The following VWCE variants were observed in gnomAD, a reference collection of about 807,000 sequenced individuals.
VWCE encodes the protein von Willebrand factor C and EGF domain-containing protein.
In VWCE, 68 loss-of-function variants were observed where a neutral mutation model predicts 102.9. The observed-to-expected ratio is 0.66, with a 90% confidence interval of 0.54 to 0.81. The LOEUF is 0.81. VWCE is among the 30% of genes least tolerant of loss of function. VWCE has a pLI of 0.00. For synonymous variants in VWCE, 497 were observed against 515.4 expected (o/e 0.96, Z 0.48); for missense variants, 1,137 against 1,263.6 (o/e 0.90, Z 1.52).
At chr11:61,266,557 A>AC (rs1555025783) in intron 16 of VWCE, among the ~76,000 whole-genome samples, 1 of 152,074 alleles carries the variant, frequency 6.6e-6, no homozygotes, top group Non-Finnish European at 1.5e-5. Context: ...CAAAAAAAAA[A>AC]CAATTTTTTT....
Position 61,265,336 on chromosome 11 carries a change from T to C in VWCE, c.1966-124A>G, listed in dbSNP as rs891269516. 6.8e-6 allele frequency: 6 copies of C among 884,618 alleles called. No individual in the cohort carries two copies. The African/African-American group carries it at 1.0e-4, about 15-fold the overall frequency. The allele number at this position is 884,618 out of a possible 1,614,324, so 54.8% of individuals were successfully genotyped here. On this transcript the variant is annotated intron_variant, in intron 16 of 19. Coordinates refer to ENST00000335613, the MANE Select transcript of VWCE (RefSeq NM_152718.2). The stretch of plus-strand genomic sequence containing the variant: ...CAATCAACATTGTGGGAGGAGTCCA[T>C]GGTGGGGCAGTGGGGCAGGGGGCGC...
intron 5 of VWCE, 50 bp from the exon 6 acceptor site, chr11:61,282,955 G>A: frequency 6.8e-7 from 1 of 1,473,068 alleles, no homozygotes; most frequent in South Asian, 1.1e-5. Flanking sequence ...ACAGAACCTT[G>A]GAAATATATG....
At chr11:61,260,913 A>C (rs541483440) in intron 19 of VWCE, among the ~76,000 whole-genome samples, 3 of 152,136 alleles carry the variant, frequency 2.0e-5, no homozygotes, top group Non-Finnish European at 4.4e-5. Flanking sequence ...GAAAATGAAG[A>C]GTGAAGAAGC....
chr11:61,271,421 A>C, intron 14 of VWCE: 1 of 372,810 alleles, frequency 2.7e-6, no homozygotes, highest in Non-Finnish European at 5.2e-6. Flanking sequence ...CTGGGATTAC[A>C]GGCGTGAGCC....
intron 5 of VWCE, 54 bp downstream of exon 5, chr11:61,286,260 A>T: frequency 6.5e-7 from 1 of 1,535,500 alleles, no homozygotes; most frequent in East Asian, 2.2e-5. Flanking sequence ...TGAGTGTTCA[A>T]TGTGGCATCC....
intron 14 of VWCE, chr11:61,271,199 G>GC (rs1438564348): frequency 1.3e-5 from 2 of 157,750 alleles, no homozygotes; most frequent in African/African-American, 2.4e-5. Flanking sequence ...AGGCTGGGGT[G>GC]CAGTGGCGTG....
intron 4 of VWCE, 74 bp downstream of exon 4, chr11:61,290,725 T>C: frequency 6.6e-7 from 1 of 1,525,614 alleles, no homozygotes; most frequent in African/African-American, 1.4e-5. Context: ...CTGGAGACCA[T>C]CCTGGCAGGA....
chr11:61,294,845 C>T lies in VWCE; in HGVS notation c.110+83G>A, dbSNP rs377183791. Reference sequence around the variant, plus strand: ...CCCGACACGCGGCTGCCTGCGGCTCCTGAGCGCCCCTCCGCGCCTCTCGAC... The same window carrying T: ...CCCGACACGCGGCTGCCTGCGGCTCTTGAGCGCCCCTCCGCGCCTCTCGAC... On this transcript the variant is annotated intron_variant, in intron 1 of 19. Coordinates refer to ENST00000335613, the MANE Select transcript of VWCE (RefSeq NM_152718.2). The surrounding 1 kb of genome is among the most constrained non-coding windows in gnomAD (Gnocchi z 6.3). 5.0e-4 allele frequency: 494 copies of T among 996,944 alleles called. 5 individuals are homozygous for T. The African/African-American group carries it at 6.9e-3, about 14-fold the overall frequency. 61.8% of individuals were successfully genotyped at this position (996,944 alleles called of 1,614,324 possible). A position where few individuals can be genotyped will look rare whatever the true frequency, so the allele number is the denominator to read the frequency against.
chr11:61,281,492 G>A (rs1265715140), intron 7 of VWCE, among the ~76,000 whole-genome samples: 1 of 152,208 alleles, frequency 6.6e-6, no homozygotes, highest in Non-Finnish European at 1.5e-5. Context: ...CAGAAGGGCT[G>A]GGGAAACAGT....
intron 15 of VWCE, 141 bp downstream of exon 15, chr11:61,268,781 T>C (rs1854585302): frequency 5.1e-6 from 4 of 782,218 alleles, no homozygotes; most frequent in Admixed American, 5.1e-5. Flanking sequence ...TAAACTGTTC[T>C]ACCTCAGTTT....
chr11:61,279,229 C>T (rs538770722), intron 9 of VWCE, among the ~76,000 whole-genome samples: 1 of 152,094 alleles, frequency 6.6e-6, no homozygotes, highest in Non-Finnish European at 1.5e-5. Flanking sequence ...CCCAATACTT[C>T]GCACTCAAGA....
rs576366860 is a variant in VWCE, at chr11:61,277,955, C to A, written c.1407+439G>T. On this transcript the variant is annotated intron_variant, in intron 10 of 19. Transcript: ENST00000335613. ...TGGCAGGGCAGGCACACAGTAAGTG[C>A]TTAATAACTATTCTTGCAGGAGTGA... is the stretch of plus-strand genomic sequence containing the variant. Among the ~76,000 whole-genome samples the A allele has an allele frequency of 1.2e-4, 18 of 152,256 alleles. No individual in the cohort carries two copies. In the South Asian group the frequency reaches 3.7e-3, roughly 32 times the overall value.
At chr11:61,270,127 G>A (rs1179194977) in intron 14 of VWCE, among the ~76,000 whole-genome samples, 1 of 151,842 alleles carries the variant, frequency 6.6e-6, no homozygotes, top group Non-Finnish European at 1.5e-5. Flanking sequence ...CACCATGTTA[G>A]CCAGGATGGT....
chr11:61,276,821 C>A, intron 10 of VWCE, 141 bp from the exon 11 acceptor site: 5 of 176,652 alleles, frequency 2.8e-5, no homozygotes, highest in Non-Finnish European at 3.8e-5. Flanking sequence ...CCAGCCTGGG[C>A]AACAAAATGA....
intron 14 of VWCE, chr11:61,269,393 G>T (rs917260656): frequency 5.0e-6 from 1 of 199,688 alleles, no homozygotes; most frequent in Non-Finnish European, 1.0e-5. Context: ...AAAAAACAAT[G>T]CCACCAGAAG....
At chr11:61,259,467 A>G (rs1468612393) in intron 19 of VWCE, among the ~76,000 whole-genome samples, 155 bp from the exon 20 acceptor site, 1 of 152,188 alleles carries the variant, frequency 6.6e-6, no homozygotes, top group Non-Finnish European at 1.5e-5. Flanking sequence ...CCAGGAAGGG[A>G]AGACTGAAGG....
rs866323204 is a variant in VWCE at position 61,269,928 on chromosome 11, T to G, written c.1786-910A>C. Among the ~76,000 whole-genome samples the G allele has an allele frequency of 5.3e-3, 805 of 151,470 alleles. 10 individuals carry two copies. The highest frequency in any genetic ancestry group is 0.018 in the African/African-American group (755 of 41,278). On this transcript the variant is annotated intron_variant, in intron 14 of 19. Transcript: ENST00000335613. ...GTTCAGCTTACAGCATTTTTTTTTT[T>G]TTTTTTTGAGACGGAGTCTCACTCT...
chr11:61,264,714 C>T (rs181038901), intron 18 of VWCE, 137 bp from the exon 19 acceptor site: 33 of 1,026,900 alleles, frequency 3.2e-5, no homozygotes, highest in Admixed American at 2.4e-4. Context: ...CCTGAGCCCT[C>T]GCCTGGAGAA....
chr11:61,270,362 G>A (rs906662945), intron 14 of VWCE, among the ~76,000 whole-genome samples: 2 of 152,206 alleles, frequency 1.3e-5, no homozygotes, highest in African/African-American at 2.4e-5. Context: ...AAGGCTGCAC[G>A]TCTAACCAGG....
Sources: gnomAD v4.1 joint callset for allele counts (sites outside exome capture counted in the v4.1 genomes callset) on GRCh38, gnomAD v4.1.1 for gene constraint, Gnocchi (gnomAD v3.1) non-coding constraint, MANE v1.5 for transcripts, NCBI Gene and HGNC (gene_info 2026-07-23, HGNC 2026-07-21) for gene names.